HEY2: variants seen among roughly 807,000 people sequenced by gnomAD.
The protein encoded by HEY2 is hes related family bHLH transcription factor with YRPW motif 2.
HEY2 carries 10 observed loss-of-function variants against 18.1 expected under a neutral mutation model. The observed-to-expected ratio is 0.55, with a 90% CI of 0.34 to 0.94. HEY2 has a LOEUF of 0.94. HEY2 is among the 40% of genes least tolerant of loss of function. HEY2 has a pLI of 0.02. For synonymous variants in HEY2, 210 were observed against 182.7 expected, an observed-to-expected ratio of 1.15 and a Z score of -1.21; for missense variants, 455 against 455.9, an observed-to-expected ratio of 1.00 and a Z score of 0.02.
At chr6:125,757,685 A>C (rs1465026478) in intron 4 of HEY2, among the ~76,000 whole-genome samples, 1 of 152,248 alleles carries the variant, frequency 6.6e-6, no homozygotes, top group Non-Finnish European at 1.5e-5. Flanking sequence ...GTGGTGGCTC[A>C]CGCCTGTAAT....
intron 2 of HEY2, 27 bp from the exon 3 acceptor site, chr6:125,751,979 AC>A: frequency 6.2e-7 from 1 of 1,601,854 alleles, no homozygotes; most frequent in South Asian, 1.1e-5. Flanking sequence ...GAATTCATAA[AC>A]TTTTGTTGTT....
chr6:125,759,367 C>A lies in HEY2; in HGVS notation c.579C>A (p.Pro193=). 6.2e-7 allele frequency: 1 copy of A among 1,605,870 alleles called. No individual in the cohort carries two copies. Among genetic ancestry groups the A allele is most frequent in the Non-Finnish European group, 8.5e-7 (1 of 1,177,154 alleles). Residue 193 remains proline (P), a synonymous_variant, in exon 5 of 5, where the codon CCC becomes CCA. Transcript: ENST00000368364. ...HHWAAAFHHL[P]AALLQPNGLH... ...GGGCCGCCGCCTTCCACCACCTGCCCGCAGCCCTGCTCCAGCCCAACGGCC... is the reference window on the plus strand; with the variant it reads ...GGGCCGCCGCCTTCCACCACCTGCCAGCAGCCCTGCTCCAGCCCAACGGCC...
chr6:125,759,943 A>C lies in HEY2; in HGVS notation c.*141A>C. 1 of 702,690 alleles carries C rather than the reference A, an allele frequency of 1.4e-6. No homozygotes were observed. The highest frequency in any genetic ancestry group is 2.3e-6 in the Non-Finnish European group (1 of 429,120). The allele number at this position is 702,690 out of a possible 1,614,324, so 43.5% of individuals were successfully genotyped here. ...TAAAGCTATTTGAGACACAAACCTCACGAGTGGAAATGTGGTATTCTCTTT... is the reference window on the plus strand; with the variant it reads ...TAAAGCTATTTGAGACACAAACCTCCCGAGTGGAAATGTGGTATTCTCTTT... On this transcript the variant is annotated 3_prime_UTR_variant, in exon 5 of 5. Transcript: ENST00000368364.
At chr6:125,752,654 A>G (rs745645538) in intron 3 of HEY2, among the ~76,000 whole-genome samples, 1 of 152,160 alleles carries the variant, frequency 6.6e-6, no homozygotes, top group Non-Finnish European at 1.5e-5. Context: ...AAATGAAGTT[A>G]ATCATAAATG....
At chr6:125,754,671 C>A (rs1773621770) in intron 4 of HEY2, 125 bp downstream of exon 4, 1 of 469,204 alleles carries the variant, frequency 2.1e-6, no homozygotes. Context: ...GATAGGAGGC[C>A]CCAGATTAAA....
chr6:125,756,397 G>A (rs1394758130), intron 4 of HEY2, among the ~76,000 whole-genome samples: 5 of 151,984 alleles, frequency 3.3e-5, no homozygotes, highest in South Asian at 4.2e-4. Flanking sequence ...GAGAAATCCC[G>A]TTTCTACTAA....
chr6:125,760,080 C>A lies in HEY2; in HGVS notation c.*278C>A. 1 of 462,242 alleles carries A rather than the reference C, an allele frequency of 2.2e-6. No homozygotes were observed. Among genetic ancestry groups the A allele is most frequent in the Non-Finnish European group, 3.9e-6 (1 of 257,044 alleles). The allele number at this position is 462,242 out of a possible 1,614,324, so 28.6% of individuals were successfully genotyped here. ...GAAGTTTCCTGGAAAATATATGGAC[C>A]GTACCATCCAGCAGTGCATCAGTAT... On this transcript the variant is annotated 3_prime_UTR_variant, in exon 5 of 5. Coordinates refer to ENST00000368364, the MANE Select transcript of HEY2 (RefSeq NM_012259.3).
chr6:125,755,516 T>G (rs1033875917), intron 4 of HEY2, among the ~76,000 whole-genome samples: 1 of 152,202 alleles, frequency 6.6e-6, no homozygotes, highest in Non-Finnish European at 1.5e-5. Flanking sequence ...TTTACTACAC[T>G]GTATACGGGT....
chr6:125,752,588 T>A (rs1773575378), intron 3 of HEY2, among the ~76,000 whole-genome samples: 1 of 152,198 alleles, frequency 6.6e-6, no homozygotes, highest in Non-Finnish European at 1.5e-5. Flanking sequence ...TCATTTTTAA[T>A]CCCTGGGTTG....
intron 4 of HEY2, among the ~76,000 whole-genome samples, chr6:125,756,446 A>T (rs2128529245): frequency 6.6e-6 from 1 of 152,314 alleles, no homozygotes; most frequent in Non-Finnish European, 1.5e-5. Flanking sequence ...GCATGCCTGT[A>T]ATCCCAGCTA....
intron 4 of HEY2, among the ~76,000 whole-genome samples, chr6:125,758,296 A>G (rs575358539): frequency 2.0e-5 from 3 of 152,344 alleles, no homozygotes; most frequent in South Asian, 4.1e-4. Flanking sequence ...ATAGGAGTGC[A>G]TGCATATACA....
Position 125,760,720 on chromosome 6 carries a change from A to G in HEY2, c.*918A>G, listed in dbSNP as rs186391404. On this transcript the variant is annotated 3_prime_UTR_variant, in exon 5 of 5. Coordinates refer to ENST00000368364, the MANE Select transcript of HEY2 (RefSeq NM_012259.3). ...GTTTAATTTATTCAGTTTCATTAGG[A>G]CTATTTTTATATATTTATCCTCTTC... 3.9e-5 allele frequency: 6 copies of G among 152,548 alleles called. No individual in the cohort carries two copies. The highest frequency in any genetic ancestry group is 1.4e-4 in the African/African-American group (6 of 41,552). The allele number at this position is 152,548 out of a possible 1,614,324, so 9.4% of individuals were successfully genotyped here. A position where few individuals can be genotyped will look rare whatever the true frequency, so the allele number is the denominator to read the frequency against.
At chr6:125,753,223 CAAT>C (rs1398599295) in intron 3 of HEY2, among the ~76,000 whole-genome samples, 1 of 152,086 alleles carries the variant, frequency 6.6e-6, no homozygotes, top group Non-Finnish European at 1.5e-5. Flanking sequence ...TGTCAGTAAT[CAAT>C]GATGTTTTTA....
chr6:125,754,263 C>T (rs1773608284), intron 3 of HEY2, among the ~76,000 whole-genome samples: 1 of 152,066 alleles, frequency 6.6e-6, no homozygotes, highest in Non-Finnish European at 1.5e-5. Flanking sequence ...GTTAAAATGG[C>T]AAATACTTGT....
At chr6:125,754,349 G>C in intron 3 of HEY2, 116 bp from the exon 4 acceptor site, 1 of 480,430 alleles carries the variant, frequency 2.1e-6, no homozygotes, top group South Asian at 8.3e-5. Flanking sequence ...AAAAATAAAA[G>C]TTGGGATTGT....
chr6:125,755,963 A>AGG (rs1773646472), intron 4 of HEY2, among the ~76,000 whole-genome samples: 1 of 152,210 alleles, frequency 6.6e-6, no homozygotes, highest in South Asian at 2.1e-4. Context: ...TAGGATACTG[A>AGG]TTGAATTAGT....
At chr6:125,758,549 A>G (rs1773713365) in intron 4 of HEY2, among the ~76,000 whole-genome samples, 1 of 152,222 alleles carries the variant, frequency 6.6e-6, no homozygotes, top group African/African-American at 2.4e-5. Flanking sequence ...CTTTGTTGAT[A>G]AAAAACATTG....
chr6:125,755,783 TAACTGGATTAAATCACAG>T (rs1274814287), intron 4 of HEY2, among the ~76,000 whole-genome samples: 1 of 152,180 alleles, frequency 6.6e-6, no homozygotes, highest in African/African-American at 2.4e-5. Context: ...ATAGAAAAGA[TAACTGGATTAAATCACAG>T]AAGCCAATGA....
At position 125,759,604 on chromosome 6, in the gene HEY2, C is replaced by T. The variant is rs759429944; in HGVS notation, c.816C>T (p.Thr272=). ...TCCACGCCGCAGCCGCAGCAGCCAC[C>T]GCGGCTGCACACAGCTTCCCTCTGT... is the stretch of plus-strand genomic sequence containing the variant. ...ATVHAAAAAA[T]AAAHSFPLSF... Residue 272 remains threonine, a synonymous_variant, in exon 5 of 5, where the codon ACC becomes ACT. Transcript: ENST00000368364. 14 of 1,610,434 alleles carry T rather than the reference C, an allele frequency of 8.7e-6. No individual in the cohort carries two copies. Among genetic ancestry groups the T allele is most frequent in the African/African-American group, 1.3e-5 (1 of 74,922 alleles).
Sources: gnomAD v4.1 joint callset for allele counts (sites outside exome capture counted in the v4.1 genomes callset) on GRCh38, gnomAD v4.1.1 for gene constraint, MANE v1.5 for transcripts, NCBI Gene and HGNC (gene_info 2026-07-23, HGNC 2026-07-21) for gene names.